SERINC2: variants seen among roughly 807,000 people sequenced by gnomAD.
SERINC2 encodes the protein serine incorporator 2, also known as tumor differentially expressed protein 2.
SERINC2 carries 56 observed loss-of-function variants against 54.2 expected under a neutral mutation model. The observed-to-expected ratio is 1.03, with a 90% CI of 0.83 to 1.29. SERINC2 has a LOEUF of 1.29. Ranked by LOEUF, SERINC2 falls within the 50% of genes most tolerant of loss-of-function variation. The probability of loss-of-function intolerance (pLI) is 0.00; values close to 1 mark genes in which losing one functional copy is unlikely to be tolerated. For missense variants in SERINC2, 614 were observed against 607.4 expected (o/e 1.01, Z -0.12); for synonymous variants, 272 against 253.1 (o/e 1.07, Z -0.71).
chr1:31,417,852 CTTTTTT>C (rs3050463), intron 1 of SERINC2, among the ~76,000 whole-genome samples: 1 of 95,732 alleles, frequency 1.0e-5, no homozygotes, highest in Non-Finnish European at 1.9e-5. Flanking sequence ...AAATTTCATT[CTTTTTT>C]TTTTTTTTTT....
intron 7 of SERINC2, 60 bp from the exon 8 acceptor site, chr1:31,429,337 C>T (rs782155557): frequency 2.6e-6 from 4 of 1,549,532 alleles, no homozygotes; most frequent in Middle Eastern, 1.7e-4. Flanking sequence ...ATCCTCAGGG[C>T]CACTTGGCTA....
chr1:31,431,241 C>T (rs541194462), intron 8 of SERINC2, among the ~76,000 whole-genome samples: 15 of 152,124 alleles, frequency 9.9e-5, no homozygotes, highest in Non-Finnish European at 2.2e-4. Context: ...CCTCCCACCT[C>T]AGCCTCCTGA....
chr1:31,431,787 TAGGGTGGATAGGGTGGACAGGGTGGAC>T (rs1641219485), intron 8 of SERINC2, among the ~76,000 whole-genome samples: 4 of 11,986 alleles, frequency 3.3e-4, no homozygotes, highest in African/African-American at 6.6e-4. Context: ...ATAGGGTGGA[TAGGGTGGATAGGGTGGACAGGGTGGAC>T]AGGGTGGATA....
chr1:31,432,968 C>G lies in SERINC2; in HGVS notation c.1015C>G (p.Leu339Val). 1 of 1,608,232 alleles carries G rather than the reference C, an allele frequency of 6.2e-7. No homozygotes were observed. Among genetic ancestry groups the G allele is most frequent in the Non-Finnish European group, 8.5e-7 (1 of 1,177,924 alleles). ...IFLLCTLFISLRSSDHRQVNS... is the reference protein window; with the variant it reads ...IFLLCTLFISVRSSDHRQVNS... ...CCCACCTTCCTCCCTCCCCTGCAGT[C>G]TGCGCTCCTCAGACCACCGGCAGGT... The change falls in exon 9 of 10, where the codon CTG (leucine) becomes GTG (valine). Residue 339 changes from leucine to valine, a missense_variant and splice_region_variant. Physicochemically the swap from Leu to Val is conservative, Grantham distance 32 (BLOSUM62 1). Coordinates refer to ENST00000373709, the MANE Select transcript of SERINC2 (RefSeq NM_178865.5).
In SERINC2 at chr1:31,413,992, G is replaced by A. The variant is rs1640711586; in HGVS notation, c.39+688G>A. 1 of 1,529,024 alleles carries A rather than the reference G, an allele frequency of 6.5e-7. No homozygotes were observed. Among genetic ancestry groups the A allele is most frequent in the Non-Finnish European group, 8.7e-7 (1 of 1,144,318 alleles). The allele number at this position is 1,529,024 out of a possible 1,614,324, so 94.7% of individuals were successfully genotyped here. A position where few individuals can be genotyped will look rare whatever the true frequency, so the allele number is the denominator to read the frequency against. On this transcript the variant is annotated intron_variant, in intron 1 of 9. Transcript: ENST00000373709. This position sits in a 1 kb window ranked among gnomAD's most constrained non-coding sequence, Gnocchi z 5.0. ...TTCCCCAGCTCGCCCCGGATCATCT[G>A]GGCCCCAGCGCGGAGACTGGGATGG...
intron 1 of SERINC2, among the ~76,000 whole-genome samples, chr1:31,420,014 T>A (rs191349450): frequency 0.14 from 6,838 of 49,788 alleles, 283 homozygotes; most frequent in East Asian, 0.48. Flanking sequence ...GTCTCAAAAA[T>A]TTTTCCCCCT....
intron 1 of SERINC2, among the ~76,000 whole-genome samples, chr1:31,422,463 C>A (rs1441004430): frequency 6.6e-6 from 1 of 152,128 alleles, no homozygotes; most frequent in African/African-American, 2.4e-5. Flanking sequence ...CTGCACCTGG[C>A]CTGCTCTCAG....
rs782165906 is a variant in SERINC2, at chr1:31,428,997, G to A, written c.800G>A (p.Gly267Asp). ...TGCCAGGACGCCCAGCCCAACTCGG[G>A]TCTGCTGCAGGCCTCGGTCATCACC... The part of the protein sequence containing the change: ...PKVQDAQPNS[G>D]LLQASVITLY... The change falls in exon 7 of 10, where the codon GGT (glycine) becomes GAT (aspartate). Residue 267 changes from glycine to aspartate, a missense_variant. Coordinates refer to ENST00000373709, the MANE Select transcript of SERINC2 (RefSeq NM_178865.5). 1.9e-6 allele frequency: 3 copies of A among 1,613,928 alleles called. No individual in the cohort carries two copies. The highest frequency in any genetic ancestry group is 2.5e-6 in the Non-Finnish European group (3 of 1,179,952).
intron 1 of SERINC2, 87 bp from the exon 2 acceptor site, chr1:31,423,606 C>A: frequency 7.2e-7 from 1 of 1,397,066 alleles, no homozygotes; most frequent in Non-Finnish European, 9.7e-7. Flanking sequence ...TAGCGCAGCA[C>A]AGATGCGCCG....
chr1:31,417,852 C>CTTTTTCTTTTTT (rs1640816063), intron 1 of SERINC2, among the ~76,000 whole-genome samples: 1 of 95,732 alleles, frequency 1.0e-5, no homozygotes, highest in Non-Finnish European at 1.9e-5. Context: ...AAATTTCATT[C>CTTTTTCTTTTTT]TTTTTTTTTT....
In SERINC2 at chr1:31,420,252, G is replaced by T. The variant is rs561936554; in HGVS notation, c.40-3441G>T. ...TCCAAGGATGCTCTGGAAGCAGTGTGTGTTTTTCTCTTTGACCTGGTCTCT... is the reference window on the plus strand; with the variant it reads ...TCCAAGGATGCTCTGGAAGCAGTGTTTGTTTTTCTCTTTGACCTGGTCTCT... On this transcript the variant is annotated intron_variant, in intron 1 of 9. Coordinates refer to ENST00000373709, the MANE Select transcript of SERINC2 (RefSeq NM_178865.5). Among the ~76,000 whole-genome samples the T allele has an allele frequency of 2.0e-3, 311 of 152,282 alleles. 1 individual carries two copies. Among genetic ancestry groups the T allele is most frequent in the Non-Finnish European group, 1.9e-3 (127 of 68,024 alleles).
At chr1:31,409,853 GT>G (rs1553131251), upstream of SERINC2, 1 of 1,557,278 alleles carries the variant, frequency 6.4e-7, no homozygotes, top group Non-Finnish European at 8.7e-7. Flanking sequence ...CGGGAGGATG[GT>G]AAGAGGGGAT....
intron 5 of SERINC2, 117 bp from the exon 6 acceptor site, chr1:31,426,537 G>A (rs1276512066): frequency 9.1e-6 from 7 of 768,224 alleles, no homozygotes; most frequent in Admixed American, 5.3e-5. Context: ...TTCTTCAAGT[G>A]GGGAAACTGA....
chr1:31,413,968 TCC>T lies in SERINC2; in HGVS notation c.39+667_39+668del. The T allele has an allele frequency of 6.5e-7, 1 of 1,528,946 alleles. No individual in the cohort carries two copies. The highest frequency in any genetic ancestry group is 8.7e-7 in the Non-Finnish European group (1 of 1,144,278). 94.7% of individuals were successfully genotyped at this position (1,528,946 alleles called of 1,614,324 possible). On this transcript the variant is annotated intron_variant, in intron 1 of 9. Transcript: ENST00000373709. This position sits in a 1 kb window ranked among gnomAD's most constrained non-coding sequence, Gnocchi z 5.0. ...TGGCTCGCGCTGCCTCTCAGGCACT[TCC>T]CCAGCTCGCCCCGGATCATCTGGGC...
At chr1:31,409,979 C>G, upstream of SERINC2, 1 of 1,010,816 alleles carries the variant, frequency 9.9e-7, no homozygotes, top group South Asian at 1.7e-5. Flanking sequence ...GTGGGTGGTC[C>G]AAGAAGTCAG....
chr1:31,432,952 C>T lies in SERINC2; in HGVS notation c.1014-15C>T, dbSNP rs1208178457. 2 of 1,593,732 alleles carry T rather than the reference C, an allele frequency of 1.3e-6. No homozygotes were observed. The highest frequency in any genetic ancestry group is 1.3e-5 in the African/African-American group (1 of 74,474). ...CAGAGCTATCTATTTGCCCACCTTCCTCCCTCCCCTGCAGTCTGCGCTCCT... is the reference window on the plus strand; with the variant it reads ...CAGAGCTATCTATTTGCCCACCTTCTTCCCTCCCCTGCAGTCTGCGCTCCT... On this transcript the variant is annotated splice_polypyrimidine_tract_variant and intron_variant, in intron 8 of 9. Coordinates refer to ENST00000373709, the MANE Select transcript of SERINC2 (RefSeq NM_178865.5).
At chr1:31,418,534 C>G (rs1553132465) in intron 1 of SERINC2, among the ~76,000 whole-genome samples, 1 of 152,118 alleles carries the variant, frequency 6.6e-6, no homozygotes, top group Non-Finnish European at 1.5e-5. Context: ...TGCCACCATG[C>G]CTGGCTAATT....
At chr1:31,420,008 C>CA (rs199603427) in intron 1 of SERINC2, among the ~76,000 whole-genome samples, 2 of 114,710 alleles carry the variant, frequency 1.7e-5, no homozygotes, top group African/African-American at 6.6e-5. Context: ...GATCCTGTCT[C>CA]AAAAATTTTT....
upstream of SERINC2, chr1:31,409,849 G>A: frequency 1.3e-6 from 2 of 1,557,808 alleles, no homozygotes; most frequent in Non-Finnish European, 1.7e-6. Flanking sequence ...TGGACGGGAG[G>A]ATGGTAAGAG....
Sources: gnomAD v4.1 joint callset for allele counts (sites outside exome capture counted in the v4.1 genomes callset) on GRCh38, gnomAD v4.1.1 for gene constraint, Gnocchi (gnomAD v3.1) non-coding constraint, MANE v1.5 for transcripts, NCBI Gene and HGNC (gene_info 2026-07-23, HGNC 2026-07-21) for gene names.